PIK3C2G: variants seen among roughly 807,000 people sequenced by gnomAD.
PIK3C2G encodes the protein phosphatidylinositol 3-kinase C2 domain-containing subunit gamma.
PIK3C2G carries 168 observed loss-of-function variants against 181.1 expected under a neutral mutation model. The observed-to-expected ratio is 0.93, with a 90% confidence interval of 0.82 to 1.05. The LOEUF (loss-of-function observed/expected upper bound fraction) is 1.05. PIK3C2G is among the 50% of genes least tolerant of loss of function. The pLI is 0.00. For missense variants in PIK3C2G, 1,869 were observed against 1,732.8 expected, an observed-to-expected ratio of 1.08 and a Z score of -1.40; for synonymous variants, 573 against 592.2, an observed-to-expected ratio of 0.97 and a Z score of 0.47.
At chr12:18,420,517 A>G (rs1301919872) in intron 16 of PIK3C2G, among the ~76,000 whole-genome samples, 5 of 152,148 alleles carry the variant, frequency 3.3e-5, no homozygotes. Context: ...GTTTGTGGTA[A>G]GATCTGGCTA....
At chr12:18,609,769 A>G (rs1948241635) in intron 31 of PIK3C2G, 140 bp downstream of exon 31, 1 of 588,980 alleles carries the variant, frequency 1.7e-6, no homozygotes, top group Non-Finnish European at 3.0e-6. Context: ...AGCCAATTAC[A>G]ATATTTTTGC....
intron 18 of PIK3C2G, among the ~76,000 whole-genome samples, chr12:18,469,850 G>A (rs1938279126): frequency 6.8e-6 from 1 of 147,078 alleles, no homozygotes; most frequent in Admixed American, 6.8e-5. Flanking sequence ...TTATTACCTA[G>A]CTATCTTCAC....
chr12:18,612,240 A>G (rs74071238), intron 31 of PIK3C2G, among the ~76,000 whole-genome samples: 11 of 152,166 alleles, frequency 7.2e-5, no homozygotes, highest in African/African-American at 2.6e-4. Flanking sequence ...CTCATGGATC[A>G]ATATTCTCTG....
At chr12:18,337,775 T>C (rs1438644764) in intron 8 of PIK3C2G, among the ~76,000 whole-genome samples, 1 of 152,314 alleles carries the variant, frequency 6.6e-6, no homozygotes, top group Non-Finnish European at 1.5e-5. Flanking sequence ...TTGAGGCTTA[T>C]ATTTCAATAT....
the PIK3C2G span, among the ~76,000 whole-genome samples, chr12:18,704,123 G>C: frequency 6.6e-6 from 1 of 152,152 alleles, no homozygotes; most frequent in Non-Finnish European, 1.5e-5. Flanking sequence ...TTCAGGGAAA[G>C]GAAGTGGAGG....
chr12:18,563,579 C>A, intron 28 of PIK3C2G, 81 bp downstream of exon 28: 1 of 1,364,938 alleles, frequency 7.3e-7, no homozygotes, highest in Non-Finnish European at 1.0e-6. Context: ...ATGGGATTTT[C>A]TATTTGTGAG....
At chr12:18,281,951 A>T (rs1949238286) in intron 1 of PIK3C2G, 53 bp from the exon 2 acceptor site, 2 of 631,338 alleles carry the variant, frequency 3.2e-6, no homozygotes, top group South Asian at 4.3e-5. Flanking sequence ...CTGTCTTACA[A>T]GCTCTTTTCT....
chr12:18,675,316 TG>T, the PIK3C2G span, among the ~76,000 whole-genome samples: 1 of 152,126 alleles, frequency 6.6e-6, no homozygotes, highest in South Asian at 2.1e-4. Flanking sequence ...CACTCTGTTT[TG>T]GGGAAAGTTT....
At chr12:18,563,110 C>G (rs886414956) in intron 27 of PIK3C2G, among the ~76,000 whole-genome samples, 1 of 152,090 alleles carries the variant, frequency 6.6e-6, no homozygotes. Flanking sequence ...ACAATTCCTG[C>G]CCTGTGGTAG....
At chr12:18,417,638 G>T (rs1945254919) in intron 16 of PIK3C2G, among the ~76,000 whole-genome samples, 1 of 151,958 alleles carries the variant, frequency 6.6e-6, no homozygotes, top group Non-Finnish European at 1.5e-5. Flanking sequence ...GCATTTCTTA[G>T]CAACAAAGTA....
At chr12:18,517,377 T>A (rs977109315) in intron 24 of PIK3C2G, among the ~76,000 whole-genome samples, 1 of 152,200 alleles carries the variant, frequency 6.6e-6, no homozygotes, top group African/African-American at 2.4e-5. Context: ...TGGGATGTTT[T>A]TCCATTTGTT....
intron 31 of PIK3C2G, among the ~76,000 whole-genome samples, chr12:18,631,102 A>G (rs368297804): frequency 1.3e-5 from 2 of 152,208 alleles, no homozygotes; most frequent in South Asian, 4.1e-4. Flanking sequence ...AATGAGAAGT[A>G]TTGATGAGGA....
chr12:18,520,342 T>C (rs1313114202), intron 24 of PIK3C2G, among the ~76,000 whole-genome samples: 3 of 152,172 alleles, frequency 2.0e-5, no homozygotes, highest in Admixed American at 2.0e-4. Context: ...TCTGATTCTC[T>C]TTCAGGTACT....
chr12:18,596,820 A>T (rs1267156413), intron 30 of PIK3C2G, among the ~76,000 whole-genome samples: 2 of 152,098 alleles, frequency 1.3e-5, no homozygotes, highest in East Asian at 3.9e-4. Flanking sequence ...AGCCCAGATC[A>T]ATTATCCATG....
At chr12:18,548,163 C>A (rs761655199) in intron 26 of PIK3C2G, among the ~76,000 whole-genome samples, 2 of 151,884 alleles carry the variant, frequency 1.3e-5, no homozygotes, top group African/African-American at 2.4e-5. Context: ...GAGTAGGATT[C>A]TTTTCTTTAA....
At chr12:18,431,494 A>T (rs1946157241) in intron 18 of PIK3C2G, among the ~76,000 whole-genome samples, 1 of 152,196 alleles carries the variant, frequency 6.6e-6, no homozygotes, top group Admixed American at 6.5e-5. Context: ...CAGTGAGTAA[A>T]AAAGTCTGTG....
At chr12:18,726,112 G>C in the PIK3C2G span, among the ~76,000 whole-genome samples, 9 of 152,070 alleles carry the variant, frequency 5.9e-5, no homozygotes, top group Admixed American at 2.0e-4. Context: ...TTATGAAACT[G>C]ATGAAATAAG....
At chr12:18,713,106 ACT>A in the PIK3C2G span, 1 of 1,331,938 alleles carries the variant, frequency 7.5e-7, no homozygotes, top group Non-Finnish European at 1.0e-6. Flanking sequence ...AGTCCATAAA[ACT>A]CTATAAAAAC....
chr12:18,432,847 T>C (rs1308762675), intron 18 of PIK3C2G, among the ~76,000 whole-genome samples: 1 of 152,180 alleles, frequency 6.6e-6, no homozygotes, highest in Admixed American at 6.5e-5. Context: ...TTAAAATACG[T>C]TTATGATATC....
Sources: allele counts gnomAD v4.1 joint callset (sites outside exome capture counted in the v4.1 genomes callset), GRCh38; gene constraint gnomAD v4.1.1; transcripts MANE v1.5; gene names NCBI Gene and HGNC (gene_info 2026-07-23, HGNC 2026-07-21).